The following TMEM120B variants were observed in gnomAD, a reference collection of about 807,000 sequenced individuals.
TMEM120B encodes the protein transmembrane protein 120B.
Under a neutral mutation model 55.5 loss-of-function variants are expected in TMEM120B, and 31 were observed. The ratio of observed to expected loss-of-function variants is 0.56; its 90% CI spans 0.42 to 0.75. The LOEUF (loss-of-function observed/expected upper bound fraction) is 0.75, where lower values mean the gene tolerates loss of function less well. Among genes scored for constraint, TMEM120B ranks in the 30% least tolerant of loss-of-function variants. TMEM120B has a pLI of 0.00. For missense variants in TMEM120B, 399 were observed against 425.5 expected, an observed-to-expected ratio of 0.94 and a Z score of 0.55; for synonymous variants, 203 against 176.3, an observed-to-expected ratio of 1.15 and a Z score of -1.20.
chr12:121,716,380 C>T (rs1894703645), intron 1 of TMEM120B, among the ~76,000 whole-genome samples: 1 of 150,786 alleles, frequency 6.6e-6, no homozygotes. Context: ...GCACACTGAA[C>T]TAGAAAGCTT....
At chr12:121,752,665 A>G (rs898194025) in intron 5 of TMEM120B, among the ~76,000 whole-genome samples, 1 of 152,072 alleles carries the variant, frequency 6.6e-6, no homozygotes, top group African/African-American at 2.4e-5. Context: ...AGACAGGAGA[A>G]TCGCTTGAAC....
chr12:121,757,177 T>C (rs1364603814), intron 5 of TMEM120B, among the ~76,000 whole-genome samples: 2 of 151,862 alleles, frequency 1.3e-5, no homozygotes, highest in Admixed American at 6.6e-5. Context: ...TATTTATATT[T>C]TTGAGACAGA....
At chr12:121,757,140 TGGG>T (rs34691916) in intron 5 of TMEM120B, among the ~76,000 whole-genome samples, 11 of 132,128 alleles carry the variant, frequency 8.3e-5, no homozygotes, top group African/African-American at 2.4e-4. Context: ...CCCTGGGCGG[TGGG>T]GGGGGGGGGT....
chr12:121,755,311 G>C (rs1287129782), intron 5 of TMEM120B, among the ~76,000 whole-genome samples: 1 of 152,126 alleles, frequency 6.6e-6, no homozygotes, highest in Non-Finnish European at 1.5e-5. Context: ...GTGGATCCCT[G>C]GGCCTCTCTG....
chr12:121,775,910 G>T lies in TMEM120B; in HGVS notation c.*188G>T. ...GCACAGTGTCCGCCCACCTATTTAT[G>T]ACATATTTAATGCTGGGTCCCCCAT... On this transcript the variant is annotated 3_prime_UTR_variant, in exon 12 of 12. Coordinates refer to ENST00000449592, the MANE Select transcript of TMEM120B (RefSeq NM_001080825.2). The surrounding 1 kb of genome is among the most constrained non-coding windows in gnomAD (Gnocchi z 4.3). 1.5e-6 allele frequency: 1 copy of T among 654,048 alleles called. No individual in the cohort carries two copies. Among genetic ancestry groups the T allele is most frequent in the South Asian group, 1.8e-5 (1 of 57,060 alleles). The allele number at this position is 654,048 out of a possible 1,614,324, so 40.5% of individuals were successfully genotyped here.
At chr12:121,759,094 A>G in intron 5 of TMEM120B, 5 of 891,204 alleles carry the variant, frequency 5.6e-6, no homozygotes, top group Non-Finnish European at 6.7e-6. Flanking sequence ...ACTGCAGACA[A>G]CCTAAAATAG....
chr12:121,718,877 T>C (rs1894746431), intron 1 of TMEM120B, among the ~76,000 whole-genome samples: 1 of 152,174 alleles, frequency 6.6e-6, no homozygotes, highest in African/African-American at 2.4e-5. Context: ...AGGTGATGTC[T>C]GTGTCTGTGT....
intron 1 of TMEM120B, among the ~76,000 whole-genome samples, chr12:121,734,367 T>C (rs1895064504): frequency 6.6e-6 from 1 of 152,038 alleles, no homozygotes. Context: ...CAAGCAATTC[T>C]CCTGCCTCAG....
At chr12:121,744,466 TAAGC>T (rs1873024567) in intron 2 of TMEM120B, among the ~76,000 whole-genome samples, 1 of 152,210 alleles carries the variant, frequency 6.6e-6, no homozygotes, top group Non-Finnish European at 1.5e-5. Flanking sequence ...GCCGGACAAG[TAAGC>T]AGGCAGCGTC....
At chr12:121,716,657 G>A (rs2942376) in intron 1 of TMEM120B, among the ~76,000 whole-genome samples, 60,675 of 148,908 alleles carry the variant, frequency 0.41, 12,915 homozygotes, top group African/African-American at 0.54. Flanking sequence ...TTGCCTCCCG[G>A]GTTAAAGCTA....
chr12:121,768,874 A>G (rs1873932161), intron 6 of TMEM120B, among the ~76,000 whole-genome samples: 1 of 152,094 alleles, frequency 6.6e-6, no homozygotes, highest in African/African-American at 2.4e-5. Flanking sequence ...GGCCGGGTGC[A>G]GTGACTCATG....
Position 121,779,729 on chromosome 12 carries a change from G to T in TMEM120B, c.*4007G>T. The T allele has an allele frequency of 1.3e-6, 2 of 1,556,702 alleles. No individual in the cohort carries two copies. The highest frequency in any genetic ancestry group is 1.8e-6 in the Non-Finnish European group (2 of 1,137,564). Reference sequence around the variant, plus strand: ...GAGGTCTCCTAGCACCACCTGGTGGGTTTGGGACTGGCTCTGAGGACTCTG... The same window carrying T: ...GAGGTCTCCTAGCACCACCTGGTGGTTTTGGGACTGGCTCTGAGGACTCTG... On this transcript the variant is annotated 3_prime_UTR_variant, in exon 12 of 12. Transcript: ENST00000449592.
intron 3 of TMEM120B, among the ~76,000 whole-genome samples, chr12:121,749,294 C>G (rs1873202007): frequency 6.6e-6 from 1 of 152,228 alleles, no homozygotes; most frequent in African/African-American, 2.4e-5. Context: ...GACCCTCTTA[C>G]AGTGTCATGC....
chr12:121,748,401 C>G lies in TMEM120B; in HGVS notation c.264C>G (p.Asp88Glu), dbSNP rs367697914. 5 of 1,610,728 alleles carry G rather than the reference C, an allele frequency of 3.1e-6. No homozygotes were observed. Among genetic ancestry groups the G allele is most frequent in the Non-Finnish European group, 4.2e-6 (5 of 1,178,608 alleles). The change falls in exon 3 of 12, where the codon GAC (aspartate) becomes GAG (glutamate). Residue 88 changes from aspartate (D) to glutamate (E), a missense_variant. Asp to Glu is a conservative substitution (Grantham distance 45, BLOSUM62 2). Transcript: ENST00000449592. ...CAGCGAACATCAAGGAGCGGCAGGACGTCTTCTTCGACATGGAGGCCTACC... is the reference window on the plus strand; with the variant it reads ...CAGCGAACATCAAGGAGCGGCAGGAGGTCTTCTTCGACATGGAGGCCTACC... ...QMAANIKERQ[D>E]VFFDMEAYLP...
At chr12:121,757,817 A>AT (rs1310923200) in intron 5 of TMEM120B, among the ~76,000 whole-genome samples, 3 of 152,106 alleles carry the variant, frequency 2.0e-5, no homozygotes. Flanking sequence ...CGCCCAGCCG[A>AT]TTTTTTTGTA....
chr12:121,759,617 G>C (rs943766770), intron 5 of TMEM120B, among the ~76,000 whole-genome samples: 3 of 152,016 alleles, frequency 2.0e-5, no homozygotes, highest in African/African-American at 7.2e-5. Context: ...GGTGGAGGTT[G>C]CAGTGAGCCG....
chr12:121,735,068 C>T (rs967299916), intron 1 of TMEM120B, among the ~76,000 whole-genome samples: 1 of 151,662 alleles, frequency 6.6e-6, no homozygotes, highest in Non-Finnish European at 1.5e-5. Context: ...CGCCTGTAGT[C>T]CCAGCTACTT....
In TMEM120B at chr12:121,712,862, A is replaced by C; in HGVS notation, c.-34A>C. ...GCCGGTCGGGCAGCGCTGCGGGAGC[A>C]GCCGCCGGCACCGCCGCCTTGCACC... On this transcript the variant is annotated 5_prime_UTR_variant, in exon 1 of 12. Transcript: ENST00000449592. 7.0e-7 allele frequency: 1 copy of C among 1,434,008 alleles called. No homozygotes were observed. Among genetic ancestry groups the C allele is most frequent in the Non-Finnish European group, 9.2e-7 (1 of 1,092,068 alleles). 88.8% of individuals were successfully genotyped at this position (1,434,008 alleles called of 1,614,324 possible).
At chr12:121,734,021 GTTTC>G (rs1186696217) in intron 1 of TMEM120B, among the ~76,000 whole-genome samples, 4 of 152,188 alleles carry the variant, frequency 2.6e-5, no homozygotes, top group African/African-American at 7.2e-5. Context: ...GAATTAAGTA[GTTTC>G]TTTGTCACAT....
Sources: gnomAD v4.1 joint callset for allele counts (sites outside exome capture counted in the v4.1 genomes callset) on GRCh38, gnomAD v4.1.1 for gene constraint, Gnocchi (gnomAD v3.1) non-coding constraint, MANE v1.5 for transcripts, NCBI Gene and HGNC (gene_info 2026-07-23, HGNC 2026-07-21) for gene names.